Variants in GABRB1 observed in about 807,000 individuals in gnomAD.
The protein encoded by GABRB1 is gamma-aminobutyric acid type A receptor subunit beta1.
GABRB1 carries 17 observed loss-of-function variants against 51.6 expected under a neutral mutation model. The observed-to-expected ratio is 0.33, with a 90% CI of 0.23 to 0.49. The LOEUF (loss-of-function observed/expected upper bound fraction) is 0.49. Ranked by LOEUF, GABRB1 falls within the 20% of genes least tolerant of loss-of-function variation. The pLI is 0.99. For missense variants in GABRB1, 410 were observed against 600.6 expected (o/e 0.68, Z 3.32); for synonymous variants, 247 against 218.9 (o/e 1.13, Z -1.14).
chr4:47,029,738 A>T (rs190845494), upstream of GABRB1, among the ~76,000 whole-genome samples: 28 of 152,164 alleles, frequency 1.8e-4, no homozygotes, highest in Admixed American at 1.2e-3. Flanking sequence ...TGATGTAAAG[A>T]TCTACTTTTT....
At chr4:47,382,303 C>T (rs974239180) in intron 5 of GABRB1, among the ~76,000 whole-genome samples, 5 of 152,162 alleles carry the variant, frequency 3.3e-5, no homozygotes, top group Non-Finnish European at 7.3e-5. Flanking sequence ...TCCCAGGCCT[C>T]TACCTACTAA....
chr4:47,292,378 C>T (rs1179730589), intron 4 of GABRB1, among the ~76,000 whole-genome samples: 12 of 152,112 alleles, frequency 7.9e-5, no homozygotes, highest in Non-Finnish European at 1.8e-4. Context: ...AATACATGGA[C>T]AAGTATACCC....
chr4:47,070,026 G>GT (rs199808113), intron 3 of GABRB1, among the ~76,000 whole-genome samples: 1,468 of 145,510 alleles, frequency 0.01, 10 homozygotes, highest in African/African-American at 0.023. Flanking sequence ...CGTTGTTGCT[G>GT]TTTTTTTTTT....
At chr4:47,097,135 C>T (rs1714480895) in intron 3 of GABRB1, among the ~76,000 whole-genome samples, 1 of 152,180 alleles carries the variant, frequency 6.6e-6, no homozygotes, top group Admixed American at 6.6e-5. Context: ...CAAGAAGCTA[C>T]TCAAGTGCCT....
rs569055343 is a variant in GABRB1 at position 47,070,760 on chromosome 4, C to T, written c.240+38276C>T. Among the ~76,000 whole-genome samples, 16 of 152,306 alleles carry T rather than the reference C, an allele frequency of 1.1e-4. 1 individual carries two copies. In the South Asian group the frequency reaches 3.3e-3, roughly 32 times the overall value. On this transcript the variant is annotated intron_variant, in intron 3 of 8. Transcript: ENST00000295454. ...TACTGATTATCTCCTAATGTCTAAA[C>T]TTTGAGCTATCCCAGGTTTCATTCT...
At position 47,402,272 on chromosome 4, in the gene GABRB1, CA is replaced by C. The variant is rs534266096; in HGVS notation, c.545-1042del. 9.8e-4 allele frequency among the ~76,000 whole-genome samples: 149 copies of C among 152,224 alleles called. 1 individual carries two copies. Among genetic ancestry groups the C allele is most frequent in the Middle Eastern group, 3.4e-3 (1 of 294 alleles). ...TTGAAAAGGTATTACTGGCTTTAAT[CA>C]AAAGTAGATCAGCATGGTGTCCACT... On this transcript the variant is annotated intron_variant, in intron 5 of 8. Transcript: ENST00000295454.
intron 3 of GABRB1, among the ~76,000 whole-genome samples, chr4:47,082,276 A>G (rs1231924654): frequency 1.3e-5 from 2 of 152,050 alleles, no homozygotes; most frequent in Non-Finnish European, 2.9e-5. Context: ...AACAAATATA[A>G]CTTTGAAAAA....
intron 4 of GABRB1, among the ~76,000 whole-genome samples, chr4:47,217,985 C>T (rs150952780): frequency 8.6e-5 from 13 of 151,882 alleles, no homozygotes; most frequent in African/African-American, 2.9e-4. Context: ...TTCATCCTCC[C>T]TCCCCGCTCA....
At chr4:47,022,969 AC>A (rs758471395) in intron 1 of GABRB1, among the ~76,000 whole-genome samples, 18 of 152,122 alleles carry the variant, frequency 1.2e-4, no homozygotes, top group Non-Finnish European at 2.5e-4. Flanking sequence ...TGGTACATAT[AC>A]GCAACAGAGT....
intron 3 of GABRB1, among the ~76,000 whole-genome samples, chr4:47,126,404 G>T (rs1014113592): frequency 1.4e-4 from 22 of 152,028 alleles, no homozygotes; most frequent in Admixed American, 1.4e-3. Context: ...TAAGAAAGTT[G>T]ATTATAAGTA....
chr4:47,341,605 G>A (rs967292437), intron 5 of GABRB1, among the ~76,000 whole-genome samples: 3 of 152,042 alleles, frequency 2.0e-5, no homozygotes, highest in South Asian at 2.1e-4. Flanking sequence ...TGCCTGTTTC[G>A]TACTAAAAGA....
At chr4:47,329,879 C>A (rs1214034476) in intron 5 of GABRB1, among the ~76,000 whole-genome samples, 1 of 151,672 alleles carries the variant, frequency 6.6e-6, no homozygotes, top group Non-Finnish European at 1.5e-5. Context: ...GAGAGAAAGA[C>A]AGATTTATTA....
chr4:47,328,583 A>C (rs1725341383), intron 5 of GABRB1, among the ~76,000 whole-genome samples: 1 of 152,238 alleles, frequency 6.6e-6, no homozygotes, highest in Admixed American at 6.5e-5. Flanking sequence ...AATACTATGC[A>C]GCCATAAAAA....
chr4:47,409,316 T>C (rs1728681339), intron 8 of GABRB1, among the ~76,000 whole-genome samples: 2 of 152,142 alleles, frequency 1.3e-5, no homozygotes, highest in South Asian at 4.1e-4. Flanking sequence ...CATGGACAAG[T>C]TGAAGGATGG....
intron 8 of GABRB1, among the ~76,000 whole-genome samples, 185 bp from the exon 9 acceptor site, chr4:47,425,489 G>GATAGAT (rs1729246794): frequency 7.1e-6 from 1 of 140,082 alleles, no homozygotes; most frequent in South Asian, 2.2e-4. Flanking sequence ...ATGATAGATA[G>GATAGAT]ATAGATAGAT....
chr4:47,339,384 C>G (rs759493084), intron 5 of GABRB1, among the ~76,000 whole-genome samples: 1 of 152,188 alleles, frequency 6.6e-6, no homozygotes, highest in Non-Finnish European at 1.5e-5. Flanking sequence ...AGAAACTCAA[C>G]AATTCTGAAC....
intron 4 of GABRB1, among the ~76,000 whole-genome samples, chr4:47,161,693 C>G (rs1481855209): frequency 6.6e-6 from 1 of 152,014 alleles, no homozygotes; most frequent in Non-Finnish European, 1.5e-5. Context: ...AAGGAAATAT[C>G]TGAACTGTAA....
chr4:47,170,646 A>C (rs1718400774), intron 4 of GABRB1, among the ~76,000 whole-genome samples: 1 of 152,166 alleles, frequency 6.6e-6, no homozygotes, highest in Admixed American at 6.6e-5. Flanking sequence ...TGATTGCAGG[A>C]AATAAATATG....
At chr4:47,123,777 ATAT>A (rs1293313094) in intron 3 of GABRB1, among the ~76,000 whole-genome samples, 3 of 86,250 alleles carry the variant, frequency 3.5e-5, no homozygotes, top group South Asian at 3.1e-4. Context: ...TATATATCAT[ATAT>A]TATTATATAT....
Sources: allele counts gnomAD v4.1 joint callset (sites outside exome capture counted in the v4.1 genomes callset), GRCh38; gene constraint gnomAD v4.1.1; transcripts MANE v1.5; gene names NCBI Gene and HGNC (gene_info 2026-07-23, HGNC 2026-07-21).